Variants in ITGB8 observed in about 807,000 individuals in gnomAD.
ITGB8 encodes the protein integrin beta-8.
Under a neutral mutation model 89.5 loss-of-function variants are expected in ITGB8, and 30 were observed. The ratio of observed to expected loss-of-function variants is 0.34; its 90% CI spans 0.25 to 0.45. The LOEUF (loss-of-function observed/expected upper bound fraction) is 0.45. ITGB8 is among the 20% of genes least tolerant of loss of function. The probability of loss-of-function intolerance (pLI) is 1.00; values close to 1 mark genes in which losing one functional copy is unlikely to be tolerated. For missense variants in ITGB8, 836 were observed against 933.3 expected (o/e 0.90, Z 1.36); for synonymous variants, 335 against 320.4 (o/e 1.05, Z -0.49).
chr7:20,329,879 A>G (rs1435194123), upstream of ITGB8: 1 of 152,086 alleles, frequency 6.6e-6, no homozygotes. Flanking sequence ...TAGCGTGGTA[A>G]TGACAGGACC....
At position 20,367,085 on chromosome 7, in the gene ITGB8, T is replaced by C. The variant is rs1785729235; in HGVS notation, c.287T>C (p.Val96Ala). Residue 96 changes from valine (V) to alanine (A), a missense_variant, in exon 3 of 14, where the codon GTT becomes GCT. Coordinates refer to ENST00000222573, the MANE Select transcript of ITGB8 (RefSeq NM_002214.3). ...VSNLISKGCSVDSIEYPSVHV... is the reference protein window; with the variant it reads ...VSNLISKGCSADSIEYPSVHV... ...AATTTAATAAGCAAAGGCTGCTCAG[T>C]TGATTCAATAGAATACCCATCTGTG... 1 of 1,611,328 alleles carries C rather than the reference T, an allele frequency of 6.2e-7. No homozygotes were observed. The highest frequency in any genetic ancestry group is 8.5e-7 in the Non-Finnish European group (1 of 1,177,564).
intron 8 of ITGB8, 141 bp from the exon 9 acceptor site, chr7:20,398,717 CTG>C (rs1301310225): frequency 1.0e-5 from 5 of 485,424 alleles, no homozygotes; most frequent in African/African-American, 2.0e-5. Context: ...TGTGGAAACA[CTG>C]TTTTTATTCA....
At position 20,404,668 on chromosome 7, in the gene ITGB8, T is replaced by G. The variant is rs1271600643; in HGVS notation, c.1728T>G (p.Ser576Arg). Residue 576 changes from serine to arginine, a missense_variant, in exon 11 of 14, where the codon AGT (serine) becomes AGG (arginine). Transcript: ENST00000222573. ...AAGCAGGCAGATGCCAATGCTTCAG[T>G]GGCTGGGAAGGTGATCGATGCCAGT... is the stretch of plus-strand genomic sequence containing the variant. Reference protein sequence around the residue: ...ECEAGRCQCFSGWEGDRCQCP... With the variant: ...ECEAGRCQCFRGWEGDRCQCP... The G allele has an allele frequency of 1.2e-6, 2 of 1,613,876 alleles. No homozygotes were observed. Among genetic ancestry groups the G allele is most frequent in the African/African-American group, 2.7e-5 (2 of 74,900 alleles).
intron 7 of ITGB8, among the ~76,000 whole-genome samples, chr7:20,392,012 A>G (rs945979517): frequency 6.6e-6 from 1 of 152,162 alleles, no homozygotes; most frequent in Non-Finnish European, 1.5e-5. Flanking sequence ...GCCTTCACAC[A>G]TAAGAATAAT....
In ITGB8 at chr7:20,367,165, G is replaced by C. The variant is rs761695849; in HGVS notation, c.367G>C (p.Val123Leu). The part of the protein sequence containing the change: ...EINTQVTPGE[V>L]SIQLRPGAEA... ...TAATACCCAGGTGACACCAGGAGAA[G>C]TGTCTATCCAGCTGCGTCCAGGTTT... Residue 123 changes from valine (V) to leucine (L), a missense_variant, in exon 3 of 14, where the codon GTG (valine) becomes CTG (leucine). Val to Leu is a conservative substitution (Grantham distance 32, BLOSUM62 1). This residue lies in a region of ITGB8 where 182 missense variants were observed against 177.0 expected (regional missense o/e 1.03). Transcript: ENST00000222573. 1.2e-6 allele frequency: 2 copies of C among 1,611,870 alleles called. No individual in the cohort carries two copies. Among genetic ancestry groups the C allele is most frequent in the African/African-American group, 2.7e-5 (2 of 74,868 alleles).
chr7:20,398,961 G>C lies in ITGB8; in HGVS notation c.1248G>C (p.Met416Ile), dbSNP rs1210272130. The change falls in exon 9 of 14, where the codon ATG becomes ATC. Residue 416 changes from methionine (M) to isoleucine (I), a missense_variant. Coordinates refer to ENST00000222573, the MANE Select transcript of ITGB8 (RefSeq NM_002214.3). ...ICPDGSRKPGMEGCRNVTSND... is the reference protein window; with the variant it reads ...ICPDGSRKPGIEGCRNVTSND... ...CAGATGGGTCCAGAAAGCCAGGCAT[G>C]GAAGGATGCAGAAACGTGACGAGCA... The C allele has an allele frequency of 6.2e-7, 1 of 1,613,588 alleles. No homozygotes were observed. The highest frequency in any genetic ancestry group is 8.5e-7 in the Non-Finnish European group (1 of 1,179,878).
chr7:20,362,110 C>T (rs555489360), intron 1 of ITGB8, among the ~76,000 whole-genome samples: 1 of 152,326 alleles, frequency 6.6e-6, no homozygotes, highest in South Asian at 2.1e-4. Context: ...TAACTGCAAA[C>T]ACAGGAGTAA....
chr7:20,372,268 T>G (rs1232654771), intron 3 of ITGB8, among the ~76,000 whole-genome samples: 3 of 152,240 alleles, frequency 2.0e-5, no homozygotes, highest in African/African-American at 7.2e-5. Context: ...TTTATAGATA[T>G]AATGATGATT....
intron 1 of ITGB8, among the ~76,000 whole-genome samples, chr7:20,356,274 G>C (rs1785290656): frequency 6.6e-6 from 1 of 152,148 alleles, no homozygotes. Flanking sequence ...CATGGCAAGT[G>C]ATTAGAATGC....
chr7:20,401,631 T>C (rs1280132554), intron 9 of ITGB8, 90 bp from the exon 10 acceptor site: 2 of 733,208 alleles, frequency 2.7e-6, no homozygotes, highest in African/African-American at 3.6e-5. Context: ...TAAGATGGTT[T>C]CTTATCAATT....
intron 9 of ITGB8, among the ~76,000 whole-genome samples, chr7:20,399,673 A>T (rs1371188409): frequency 6.6e-6 from 1 of 152,108 alleles, no homozygotes; most frequent in Non-Finnish European, 1.5e-5. Flanking sequence ...CAACGGAGAG[A>T]GTAACACAAA....
chr7:20,363,287 TAC>T (rs1317834728), intron 1 of ITGB8, among the ~76,000 whole-genome samples: 1 of 152,188 alleles, frequency 6.6e-6, no homozygotes, highest in Non-Finnish European at 1.5e-5. Flanking sequence ...GAATAGGAAA[TAC>T]AGTGAAACTT....
chr7:20,345,328 G>C (rs1426580487), intron 1 of ITGB8, among the ~76,000 whole-genome samples: 1 of 151,772 alleles, frequency 6.6e-6, no homozygotes. Context: ...GAAAACATTA[G>C]GAAACTAAAG....
At position 20,406,111 on chromosome 7, in the gene ITGB8, G is replaced by C; in HGVS notation, c.1963G>C (p.Asp655His). 3 of 1,613,582 alleles carry C rather than the reference G, an allele frequency of 1.9e-6. No individual in the cohort carries two copies. The highest frequency in any genetic ancestry group is 2.2e-5 in the East Asian group (1 of 44,880). ...HPHNLSQAIL[D>H]QCKTSCALME... ...TCACAATTTGTCTCAGGCTATACTT[G>C]ATCAGTGCAAAACCTCATGTGCTCT... The change falls in exon 12 of 14, where the codon GAT becomes CAT. Residue 655 changes from aspartate (D) to histidine (H), a missense_variant. This residue lies in a region of ITGB8 where 422 missense variants were observed against 416.9 expected (regional missense o/e 1.01). Coordinates refer to ENST00000222573, the MANE Select transcript of ITGB8 (RefSeq NM_002214.3).
At chr7:20,393,408 CTTT>C in intron 7 of ITGB8, among the ~76,000 whole-genome samples, 1 of 152,316 alleles carries the variant, frequency 6.6e-6, no homozygotes, top group East Asian at 1.9e-4. Flanking sequence ...GCCTAGAGAT[CTTT>C]TTTATCAATC....
At chr7:20,359,763 G>T (rs1249843435) in intron 1 of ITGB8, among the ~76,000 whole-genome samples, 3 of 152,098 alleles carry the variant, frequency 2.0e-5, no homozygotes, top group Admixed American at 6.5e-5. Context: ...TCAGTGAAAA[G>T]AATTCCTGTA....
chr7:20,391,311 A>T, intron 6 of ITGB8, 92 bp from the exon 7 acceptor site: 1 of 556,996 alleles, frequency 1.8e-6, no homozygotes, highest in Non-Finnish European at 3.0e-6. Flanking sequence ...GTACATTTTT[A>T]TGTAAGTCAT....
intron 2 of ITGB8, among the ~76,000 whole-genome samples, chr7:20,364,268 A>T (rs1309738685): frequency 6.6e-6 from 1 of 152,162 alleles, no homozygotes; most frequent in Non-Finnish European, 1.5e-5. Flanking sequence ...CGATCTGCTA[A>T]TCTGGGGTTT....
rs561340203 is a variant in ITGB8 at position 20,369,194 on chromosome 7, A to C, written c.388+2008A>C. Among the ~76,000 whole-genome samples, 6 of 152,326 alleles carry C rather than the reference A, an allele frequency of 3.9e-5. No individual in the cohort carries two copies. The South Asian group carries it at 1.2e-3, about 32-fold the overall frequency. ...AGCAGAACTGAAAAACCCACACCTT[A>C]ATATTTGCACATGAAGTAAATAGGA... On this transcript the variant is annotated intron_variant, in intron 3 of 13. Coordinates refer to ENST00000222573, the MANE Select transcript of ITGB8 (RefSeq NM_002214.3).
Sources: gnomAD v4.1 joint callset for allele counts (sites outside exome capture counted in the v4.1 genomes callset) on GRCh38, gnomAD v4.1.1 for gene constraint, gnomAD v4.1.1 regional missense constraint, MANE v1.5 for transcripts, NCBI Gene and HGNC (gene_info 2026-07-23, HGNC 2026-07-21) for gene names.